Variants in SPECC1L observed in about 807,000 individuals in gnomAD.
SPECC1L encodes the protein sperm antigen with calponin homology and coiled-coil domains 1 like.
SPECC1L carries 40 observed loss-of-function variants against 116.8 expected under a neutral mutation model. That is an observed-to-expected ratio of 0.34 (90% CI 0.27 to 0.45). SPECC1L has a LOEUF of 0.45. Among genes scored for constraint, SPECC1L ranks in the 20% least tolerant of loss-of-function variants. The probability of loss-of-function intolerance (pLI) is 1.00; values close to 1 mark genes in which losing one functional copy is unlikely to be tolerated. For missense variants in SPECC1L, 1,110 were observed against 1,373.6 expected (o/e 0.81, Z 3.03); for synonymous variants, 504 against 500.6 (o/e 1.01, Z -0.09).
At chr22:24,359,467 T>C (rs2041600702) in intron 11 of SPECC1L, among the ~76,000 whole-genome samples, 1 of 152,154 alleles carries the variant, frequency 6.6e-6, no homozygotes, top group Non-Finnish European at 1.5e-5. Flanking sequence ...CTTTCTTACC[T>C]CTGTATGTGG....
Position 24,414,651 on chromosome 22 carries a change from C to CG in SPECC1L, c.*33dup, listed in dbSNP as rs1052612519. The CG allele has an allele frequency of 1.1e-5, 17 of 1,600,894 alleles. No homozygotes were observed. The highest frequency in any genetic ancestry group is 1.4e-5 in the Non-Finnish European group (16 of 1,168,924). The stretch of plus-strand genomic sequence containing the variant: ...ATGCCGGGAGGAGCCGCCCCAATAG[C>CG]GGGGGTACCCCTCCACAGCGACCGA... On this transcript the variant is annotated 3_prime_UTR_variant, in exon 17 of 17. Coordinates refer to ENST00000314328, the MANE Select transcript of SPECC1L (RefSeq NM_015330.6).
At chr22:24,295,675 G>A (rs2330756) in intron 2 of SPECC1L, among the ~76,000 whole-genome samples, 1 of 152,134 alleles carries the variant, frequency 6.6e-6, no homozygotes, top group South Asian at 2.1e-4. Flanking sequence ...GCACGGGCCC[G>A]GCGCGGTGGC....
intron 2 of SPECC1L, among the ~76,000 whole-genome samples, chr22:24,285,566 A>G (rs1292784960): frequency 3.9e-5 from 6 of 152,182 alleles, no homozygotes; most frequent in African/African-American, 1.4e-4. Context: ...TCCTATTCAA[A>G]GAGCTGCCTT....
chr22:24,411,209 C>CA (rs2042690407), intron 14 of SPECC1L, among the ~76,000 whole-genome samples: 1 of 125,666 alleles, frequency 8.0e-6, no homozygotes, highest in South Asian at 2.3e-4. Context: ...CCAAAAAAAA[C>CA]AAAAAACAAA....
intron 16 of SPECC1L, 46 bp from the exon 17 acceptor site, chr22:24,414,488 T>G: frequency 1.9e-6 from 3 of 1,553,190 alleles, no homozygotes; most frequent in Non-Finnish European, 2.7e-6. Flanking sequence ...TGGCACAGCC[T>G]GGAGGTGACC....
At chr22:24,379,772 T>C (rs969318399) in intron 14 of SPECC1L, among the ~76,000 whole-genome samples, 1 of 152,228 alleles carries the variant, frequency 6.6e-6, no homozygotes, top group Non-Finnish European at 1.5e-5. Flanking sequence ...GAGACAGATA[T>C]CTATCTGTTC....
chr22:24,344,607 AAAAG>A (rs1381091119), intron 10 of SPECC1L, among the ~76,000 whole-genome samples: 34 of 139,698 alleles, frequency 2.4e-4, no homozygotes, highest in Non-Finnish European at 3.2e-4. Context: ...AAAAAAAAAA[AAAAG>A]AAAGAAAAGC....
At position 24,415,512 on chromosome 22, in the gene SPECC1L, C is replaced by G. The variant is rs780702852; in HGVS notation, c.*889C>G. Reference sequence around the variant, plus strand: ...ACATTGTTTCAATAAGCATAGAAATCTAAACAACATCTGTACATTAGCATG... The same window carrying G: ...ACATTGTTTCAATAAGCATAGAAATGTAAACAACATCTGTACATTAGCATG... On this transcript the variant is annotated 3_prime_UTR_variant, in exon 17 of 17. Transcript: ENST00000314328. The G allele has an allele frequency of 3.3e-5, 5 of 152,586 alleles. No individual in the cohort carries two copies. The highest frequency in any genetic ancestry group is 4.8e-5 in the African/African-American group (2 of 41,442). The allele number at this position is 152,586 out of a possible 1,614,324, so 9.5% of individuals were successfully genotyped here. A position where few individuals can be genotyped will look rare whatever the true frequency, so the allele number is the denominator to read the frequency against.
chr22:24,305,017 T>TG (rs1185120361), intron 3 of SPECC1L, among the ~76,000 whole-genome samples: 2 of 152,196 alleles, frequency 1.3e-5, no homozygotes, highest in Non-Finnish European at 2.9e-5. Flanking sequence ...GACTTACTGA[T>TG]GGGGGGTGTT....
Position 24,404,394 on chromosome 22 carries a change from G to A in SPECC1L, c.3088-7194G>A, listed in dbSNP as rs183847284. ...ATCTCCAAGGTATCTTGAACTTAAG[G>A]TGACAAAAACACACCCCTCATCTGC... On this transcript the variant is annotated intron_variant, in intron 14 of 16. Transcript: ENST00000314328. 7.9e-5 allele frequency among the ~76,000 whole-genome samples: 12 copies of A among 152,184 alleles called. No homozygotes were observed. In the East Asian group the frequency reaches 2.3e-3, roughly 29 times the overall value.
intron 14 of SPECC1L, among the ~76,000 whole-genome samples, chr22:24,384,680 C>G (rs1454981649): frequency 1.3e-5 from 2 of 152,154 alleles, no homozygotes; most frequent in Non-Finnish European, 2.9e-5. Context: ...TTGACGTTGG[C>G]TGCATGGAGT....
chr22:24,409,293 A>G (rs2042648010), intron 14 of SPECC1L, among the ~76,000 whole-genome samples: 1 of 152,212 alleles, frequency 6.6e-6, no homozygotes, highest in Non-Finnish European at 1.5e-5. Flanking sequence ...AATTTTAGGA[A>G]GCTGGCTCTT....
intron 11 of SPECC1L, among the ~76,000 whole-genome samples, chr22:24,359,534 G>T (rs1474391021): frequency 6.6e-6 from 1 of 151,918 alleles, no homozygotes; most frequent in Non-Finnish European, 1.5e-5. Flanking sequence ...TGATTCTGCT[G>T]CATCAAAGAG....
chr22:24,401,820 T>C (rs774756161), intron 14 of SPECC1L, among the ~76,000 whole-genome samples: 1 of 152,180 alleles, frequency 6.6e-6, no homozygotes, highest in South Asian at 2.1e-4. Flanking sequence ...CCCTGACTCG[T>C]TCACACCACG....
At chr22:24,353,834 T>A (rs1214535930) in intron 11 of SPECC1L, among the ~76,000 whole-genome samples, 7 of 152,248 alleles carry the variant, frequency 4.6e-5, no homozygotes, top group African/African-American at 1.4e-4. Flanking sequence ...GTTCACTTGG[T>A]TAGGTGATTG....
At chr22:24,294,036 T>C (rs569824141) in intron 2 of SPECC1L, among the ~76,000 whole-genome samples, 45 of 28,084 alleles carry the variant, frequency 1.6e-3, no homozygotes, top group Non-Finnish European at 2.4e-3. Flanking sequence ...CACCGTCCTG[T>C]GTCACATGAA....
Position 24,324,288 on chromosome 22 carries a change from A to G in SPECC1L, c.2007A>G (p.Leu669=), listed in dbSNP as rs1601555250. ...AAATTGAAGATTTGAATATGACGTTAGAAAAATTAAGATCAGACCTGGATG... is the reference window on the plus strand; with the variant it reads ...AAATTGAAGATTTGAATATGACGTTGGAAAAATTAAGATCAGACCTGGATG... ...KKQIEDLNMT[L]EKLRSDLDEK... Residue 669 remains leucine, a synonymous_variant, in exon 6 of 17, where the codon TTA becomes TTG. Transcript: ENST00000314328. The G allele has an allele frequency of 6.2e-7, 1 of 1,614,140 alleles. No homozygotes were observed. Among genetic ancestry groups the G allele is most frequent in the Non-Finnish European group, 8.5e-7 (1 of 1,179,980 alleles).
intron 13 of SPECC1L, among the ~76,000 whole-genome samples, chr22:24,368,084 T>C (rs1455605507): frequency 6.6e-6 from 1 of 152,178 alleles, no homozygotes; most frequent in African/African-American, 2.4e-5. Context: ...GCAAAACCTT[T>C]TTTGATTAAA....
At chr22:24,397,016 T>C (rs62233989) in intron 14 of SPECC1L, among the ~76,000 whole-genome samples, 2,917 of 152,332 alleles carry the variant, frequency 0.019, 50 homozygotes, top group African/African-American at 0.042. Context: ...TATCTTGTTA[T>C]ATTTGGTCCA....
Sources: allele counts gnomAD v4.1 joint callset (sites outside exome capture counted in the v4.1 genomes callset), GRCh38; gene constraint gnomAD v4.1.1; transcripts MANE v1.5; gene names NCBI Gene and HGNC (gene_info 2026-07-23, HGNC 2026-07-21).